Variants in RYR2 observed in about 807,000 individuals in gnomAD.
RYR2 encodes ryanodine receptor 2.
A neutral mutation model predicts 601.1 loss-of-function variants in RYR2; 227 were observed. That is an observed-to-expected ratio of 0.38 (90% CI 0.34 to 0.42). The LOEUF (loss-of-function observed/expected upper bound fraction) is 0.42, where lower values mean the gene tolerates loss of function less well. Among genes scored for constraint, RYR2 ranks in the 10% least tolerant of loss-of-function variants. The probability of loss-of-function intolerance (pLI) is 1.00; values close to 1 mark genes in which losing one functional copy is unlikely to be tolerated. For synonymous variants in RYR2, 2,223 were observed against 2,175.1 expected (o/e 1.02, Z -0.61); for missense variants, 4,646 against 6,156.5 (o/e 0.75, Z 8.21).
At chr1:237,359,880 G>C (rs936535816) in intron 4 of RYR2, among the ~76,000 whole-genome samples, 1 of 152,110 alleles carries the variant, frequency 6.6e-6, no homozygotes, top group Non-Finnish European at 1.5e-5. Context: ...CTATACCATT[G>C]GTTTCCAATG....
chr1:237,638,580 G>A (rs1573268614), intron 45 of RYR2, 88 bp downstream of exon 45: 6 of 1,366,114 alleles, frequency 4.4e-6, no homozygotes, highest in Middle Eastern at 3.8e-4. Flanking sequence ...TTTCATGAAG[G>A]AAGTATTAGT....
intron 103 of RYR2, 40 bp downstream of exon 103, chr1:237,830,670 G>A (rs1362466530): frequency 2.0e-6 from 2 of 986,778 alleles, no homozygotes; most frequent in Non-Finnish European, 3.3e-6. Flanking sequence ...CTCTCCAGTA[G>A]ACGCCACTGG....
At chr1:237,789,784 C>T (rs1046528893) in intron 92 of RYR2, among the ~76,000 whole-genome samples, 4 of 152,236 alleles carry the variant, frequency 2.6e-5, no homozygotes, top group Admixed American at 1.3e-4. Context: ...CTCGGCTCAC[C>T]GATTTGCATG....
chr1:237,701,999 G>C lies in RYR2; in HGVS notation c.9389G>C (p.Cys3130Ser). 1 of 1,605,418 alleles carries C rather than the reference G, an allele frequency of 6.2e-7. No individual in the cohort carries two copies. Among genetic ancestry groups the C allele is most frequent in the Non-Finnish European group, 8.5e-7 (1 of 1,172,524 alleles). ...TTAGTGGAAGATGTCCAGGTGTCTT[G>C]TTATAGAATTCTGACTAGCTTATAT... The part of the protein sequence containing the change: ...DLILEDVQVS[C>S]YRILTSLYAL... The change falls in exon 66 of 105, where the codon TGT becomes TCT. Residue 3130 changes from cysteine to serine, a missense_variant. By Grantham distance (112) the Cys-to-Ser change is moderately radical (BLOSUM62 -1). Around this residue, in one of 17 missense-constraint regions of RYR2, gnomAD observed 1,497 missense variants for 1,842.6 expected, o/e 0.81. Coordinates refer to ENST00000366574, the MANE Select transcript of RYR2 (RefSeq NM_001035.3).
chr1:237,182,103 GTTTA>G (rs71698093), intron 1 of RYR2, among the ~76,000 whole-genome samples: 82,527 of 148,478 alleles, frequency 0.56, 23,756 homozygotes, highest in East Asian at 0.74. Context: ...ACTCCCTGGG[GTTTA>G]TTTATTTATT....
At position 237,355,949 on chromosome 1, in the gene RYR2, CT is replaced by C; in HGVS notation, c.274-11del. On this transcript the variant is annotated splice_polypyrimidine_tract_variant and intron_variant, in intron 3 of 104. Coordinates refer to ENST00000366574, the MANE Select transcript of RYR2 (RefSeq NM_001035.3). Reference sequence around the variant, plus strand: ...TTTGTTTGTTTGTTATTTATTTTGGCTTTTTCTTTCCACAGCAAGTTGATGT... The same window carrying C: ...TTTGTTTGTTTGTTATTTATTTTGGCTTTTCTTTCCACAGCAAGTTGATGT... 6.3e-7 allele frequency: 1 copy of C among 1,595,186 alleles called. No individual in the cohort carries two copies. Among genetic ancestry groups the C allele is most frequent in the Non-Finnish European group, 8.5e-7 (1 of 1,169,776 alleles).
intron 30 of RYR2, 77 bp downstream of exon 30, chr1:237,590,078 T>A: frequency 7.7e-7 from 1 of 1,292,404 alleles, no homozygotes; most frequent in Non-Finnish European, 1.1e-6. Flanking sequence ...AACTTCTGCT[T>A]AGACAATTAT....
intron 2 of RYR2, among the ~76,000 whole-genome samples, chr1:237,327,781 T>C (rs1171416704): frequency 1.3e-5 from 2 of 152,212 alleles, no homozygotes; most frequent in Non-Finnish European, 2.9e-5. Context: ...TCTCTACATA[T>C]ATTATTTCAT....
chr1:237,800,968 A>C (rs1659889920), intron 97 of RYR2, among the ~76,000 whole-genome samples: 1 of 152,178 alleles, frequency 6.6e-6, no homozygotes, highest in African/African-American at 2.4e-5. Context: ...AAATGCTATG[A>C]GAACTGAGGG....
At chr1:237,486,707 T>G (rs1340218798) in intron 17 of RYR2, among the ~76,000 whole-genome samples, 3 of 152,198 alleles carry the variant, frequency 2.0e-5, no homozygotes, top group Admixed American at 6.5e-5. Flanking sequence ...ATGATTCTTT[T>G]AAAATACGTT....
At chr1:237,531,875 T>C (rs1287683772) in intron 25 of RYR2, among the ~76,000 whole-genome samples, 1 of 152,182 alleles carries the variant, frequency 6.6e-6, no homozygotes, top group East Asian at 1.9e-4. Flanking sequence ...ATATCTGCCA[T>C]CATCTGTGTA....
chr1:237,063,944 C>G (rs1029750541), intron 1 of RYR2, among the ~76,000 whole-genome samples: 2 of 152,030 alleles, frequency 1.3e-5, no homozygotes, highest in African/African-American at 4.8e-5. Context: ...CTGTAAGTCT[C>G]ACTGTTTTCC....
chr1:237,435,076 C>A (rs1050610853), intron 12 of RYR2, among the ~76,000 whole-genome samples: 3 of 152,170 alleles, frequency 2.0e-5, no homozygotes, highest in Non-Finnish European at 4.4e-5. Flanking sequence ...CGATGCCAGA[C>A]TAAAACATTT....
At chr1:237,107,331 C>G (rs1350699622) in intron 1 of RYR2, among the ~76,000 whole-genome samples, 1 of 151,322 alleles carries the variant, frequency 6.6e-6, no homozygotes, top group African/African-American at 2.4e-5. Context: ...ACCATCCTGG[C>G]TAACACGGTG....
intron 98 of RYR2, among the ~76,000 whole-genome samples, chr1:237,804,005 G>A (rs913908876): frequency 3.9e-5 from 6 of 152,116 alleles, no homozygotes; most frequent in African/African-American, 1.4e-4. Context: ...TATAAATTGG[G>A]GCTAAACGTG....
chr1:237,112,457 C>T (rs1277722573), intron 1 of RYR2, among the ~76,000 whole-genome samples: 1 of 151,922 alleles, frequency 6.6e-6, no homozygotes, highest in East Asian at 1.9e-4. Flanking sequence ...TAGCTGGCCT[C>T]ATGATTCCCA....
At chr1:237,540,463 T>C (rs974226175) in intron 25 of RYR2, among the ~76,000 whole-genome samples, 4 of 151,210 alleles carry the variant, frequency 2.6e-5, no homozygotes, top group African/African-American at 9.7e-5. Flanking sequence ...ATCCCAACAG[T>C]TGGGAGGCCG....
chr1:237,767,491 G>A (rs1310158077), intron 84 of RYR2, among the ~76,000 whole-genome samples: 1 of 152,074 alleles, frequency 6.6e-6, no homozygotes. Context: ...TTTACCAGTC[G>A]ATAGCTATAT....
At chr1:237,528,495 A>G (rs181623863) in intron 24 of RYR2, among the ~76,000 whole-genome samples, 99 of 152,338 alleles carry the variant, frequency 6.5e-4, no homozygotes, top group African/African-American at 2.3e-3. Context: ...TGGTAACTCA[A>G]TAAATATTTA....
Sources: gnomAD v4.1 joint callset for allele counts (sites outside exome capture counted in the v4.1 genomes callset) on GRCh38, gnomAD v4.1.1 for gene constraint, gnomAD v4.1.1 regional missense constraint, MANE v1.5 for transcripts, NCBI Gene and HGNC (gene_info 2026-07-23, HGNC 2026-07-21) for gene names.